FRAS1: variants seen among roughly 807,000 people sequenced by gnomAD.
FRAS1 encodes extracellular matrix organizing protein FRAS1.
Under a neutral mutation model 435.2 loss-of-function variants are expected in FRAS1, and 290 were observed. The observed-to-expected ratio is 0.67, with a 90% CI of 0.61 to 0.73. The LOEUF (loss-of-function observed/expected upper bound fraction) is 0.73, where lower values mean the gene tolerates loss of function less well. Among genes scored for constraint, FRAS1 ranks in the 30% least tolerant of loss-of-function variants. The pLI is 0.00. For missense variants in FRAS1, 4,860 were observed against 5,001.5 expected, an observed-to-expected ratio of 0.97 and a Z score of 0.85; for synonymous variants, 1,800 against 1,851.0, an observed-to-expected ratio of 0.97 and a Z score of 0.71.
chr4:78,461,275 A>T (rs1719361878), intron 47 of FRAS1, among the ~76,000 whole-genome samples: 2 of 152,190 alleles, frequency 1.3e-5, no homozygotes, highest in African/African-American at 4.8e-5. Context: ...TTACTTTCAT[A>T]TTGAAAAAAC....
chr4:78,253,771 A>G (rs72864529), intron 5 of FRAS1, among the ~76,000 whole-genome samples: 1,584 of 152,236 alleles, frequency 0.01, 17 homozygotes, highest in African/African-American at 0.036. Flanking sequence ...TTCTGCATTC[A>G]CAGCTCCTGA....
intron 2 of FRAS1, among the ~76,000 whole-genome samples, chr4:78,144,532 C>T (rs1020544910): frequency 1.3e-5 from 2 of 151,268 alleles, no homozygotes; most frequent in African/African-American, 4.9e-5. Context: ...TTTGTAGCTC[C>T]TGTATTTGTT....
rs774230984 is a variant in FRAS1 at position 78,513,488 on chromosome 4, C to T, written c.10110C>T (p.Ser3370=). 5 of 1,613,252 alleles carry T rather than the reference C, an allele frequency of 3.1e-6. No individual in the cohort carries two copies. The highest frequency in any genetic ancestry group is 2.5e-6 in the Non-Finnish European group (3 of 1,179,368). The part of the protein sequence containing the change: ...LHNLHFLLSE[S]IYRHQHVCSN... ...ACTTACATTTTCTACTGTCTGAGTC[C>T]ATCTACAGACACCAGCACGTCTGCT... Residue 3370 remains serine, a synonymous_variant, in exon 65 of 74, where the codon TCC becomes TCT. Transcript: ENST00000512123.
chr4:78,385,539 C>T (rs1732185695), intron 28 of FRAS1, among the ~76,000 whole-genome samples: 1 of 152,034 alleles, frequency 6.6e-6, no homozygotes, highest in Admixed American at 6.5e-5. Flanking sequence ...GAAAATGATC[C>T]TAAGTTAATT....
At chr4:78,117,060 T>C (rs999244274) in intron 2 of FRAS1, among the ~76,000 whole-genome samples, 2 of 152,210 alleles carry the variant, frequency 1.3e-5, no homozygotes, top group Admixed American at 1.3e-4. Context: ...TGTTTGTCTC[T>C]AAAGGATTTT....
In FRAS1 at chr4:78,387,700, A is replaced by G. The variant is rs553201692; in HGVS notation, c.3974A>G (p.Gln1325Arg). The change falls in exon 29 of 74, where the codon CAG becomes CGG. Residue 1325 changes from glutamine to arginine, a missense_variant and splice_region_variant. Gln to Arg is a conservative substitution (Grantham distance 43, BLOSUM62 1). Transcript: ENST00000512123. The stretch of plus-strand genomic sequence containing the variant: ...CTGTTCCAAGTGAAGACCGTGCCTC[A>G]GGTAGGTGTCATTCCTAGAGTTACA... ...NILFQVKTVP[Q>R]NDRGLQLVAN... 104 of 1,513,312 alleles carry G rather than the reference A, an allele frequency of 6.9e-5. No homozygotes were observed. The highest frequency in any genetic ancestry group is 9.0e-5 in the Non-Finnish European group (102 of 1,127,260). 93.7% of individuals were successfully genotyped at this position (1,513,312 alleles called of 1,614,324 possible).
Position 78,180,902 on chromosome 4 carries a change from A to G in FRAS1, c.109-56608A>G, listed in dbSNP as rs1354861912. The G allele has an allele frequency of 3.3e-5, 53 of 1,604,506 alleles. No individual in the cohort carries two copies. In the Admixed American group the frequency reaches 6.5e-4, roughly 20 times the overall value. ...CTGGGAATGCCTCTGGGTCATCCAC[A>G]TCAGGAGCAGAAGTACTTGACTTGT... On this transcript the variant is annotated intron_variant, in intron 2 of 73. Coordinates refer to ENST00000512123, the MANE Select transcript of FRAS1 (RefSeq NM_025074.7).
At chr4:78,369,776 G>T in intron 22 of FRAS1, 62 bp from the exon 23 acceptor site, 1 of 1,489,918 alleles carries the variant, frequency 6.7e-7, no homozygotes, top group South Asian at 1.4e-5. Context: ...GTCTAGGTTT[G>T]ATCAGTGCTT....
chr4:78,065,897 G>T, intron 1 of FRAS1, 88 bp from the exon 2 acceptor site: 1 of 932,862 alleles, frequency 1.1e-6, no homozygotes, highest in Admixed American at 2.1e-5. Flanking sequence ...GATGCATATA[G>T]ATGCAGTTTT....
chr4:78,099,375 AC>A (rs1741991442), intron 2 of FRAS1, among the ~76,000 whole-genome samples: 1 of 152,298 alleles, frequency 6.6e-6, no homozygotes, highest in South Asian at 2.1e-4. Flanking sequence ...TTAGGGAGTG[AC>A]AGCAGGCTCT....
rs1412616364 is a variant in FRAS1, at chr4:78,308,185, T to C, written c.1654T>C (p.Tyr552His). The C allele has an allele frequency of 1.9e-6, 3 of 1,613,852 alleles. No homozygotes were observed. Among genetic ancestry groups the C allele is most frequent in the Admixed American group, 3.3e-5 (2 of 59,998 alleles). The change falls in exon 15 of 74, where the codon TAC becomes CAC. Residue 552 changes from tyrosine to histidine, a missense_variant. Physicochemically the swap from Tyr to His is moderately conservative, Grantham distance 83 (BLOSUM62 2). Transcript: ENST00000512123. Reference protein sequence around the residue: ...GCESSCGKGFYNRQGTCSACD... With the variant: ...GCESSCGKGFHNRQGTCSACD... Reference sequence around the variant, plus strand: ...TGAGAGCAGCTGTGGAAAAGGCTTCTACAACAGGCAGGGCACCTGTAGCGG... The same window carrying C: ...TGAGAGCAGCTGTGGAAAAGGCTTCCACAACAGGCAGGGCACCTGTAGCGG...
At position 78,508,614 on chromosome 4, in the gene FRAS1, A is replaced by G; in HGVS notation, c.9505-117A>G. ...AAGAATTATAAAAACTTCTCCTGTT[A>G]TATTTCAAAGAACCTGTAGACACTA... On this transcript the variant is annotated intron_variant, in intron 62 of 73. Coordinates refer to ENST00000512123, the MANE Select transcript of FRAS1 (RefSeq NM_025074.7). 4.9e-6 allele frequency: 5 copies of G among 1,027,376 alleles called. 1 individual carries two copies. The South Asian group carries it at 7.9e-5, about 16-fold the overall frequency. The allele number at this position is 1,027,376 out of a possible 1,614,324, so 63.6% of individuals were successfully genotyped here.
chr4:78,058,009 G>A lies in FRAS1; in HGVS notation c.-1G>A, dbSNP rs768691268. ...CCTCCATCGTGGGTGCCGAGGCGGC[G>A]ATGGGTGTCCTCAAAGTGTGGCTCG... On this transcript the variant is annotated 5_prime_UTR_variant, in exon 1 of 74. Transcript: ENST00000512123. The A allele has an allele frequency of 1.2e-6, 2 of 1,613,826 alleles. No individual in the cohort carries two copies. Among genetic ancestry groups the A allele is most frequent in the South Asian group, 1.1e-5 (1 of 91,084 alleles).
intron 2 of FRAS1, among the ~76,000 whole-genome samples, chr4:78,118,299 T>C (rs1477502059): frequency 6.6e-6 from 1 of 152,172 alleles, no homozygotes. Context: ...GAGGAGGCAG[T>C]CTGTCCATTC....
At chr4:78,263,366 T>C (rs1278073604) in intron 6 of FRAS1, among the ~76,000 whole-genome samples, 1 of 152,230 alleles carries the variant, frequency 6.6e-6, no homozygotes, top group Non-Finnish European at 1.5e-5. Flanking sequence ...AATTAGATGT[T>C]GCCAATAAGA....
At chr4:78,223,053 C>T (rs1183545025) in intron 2 of FRAS1, among the ~76,000 whole-genome samples, 1 of 152,158 alleles carries the variant, frequency 6.6e-6, no homozygotes, top group Non-Finnish European at 1.5e-5. Flanking sequence ...AACAGTGAGG[C>T]TGGAAGCAAA....
intron 14 of FRAS1, 34 bp downstream of exon 14, chr4:78,286,573 A>T (rs779416400): frequency 6.2e-7 from 1 of 1,603,842 alleles, no homozygotes; most frequent in Non-Finnish European, 8.5e-7. Context: ...TGGGCCAGCT[A>T]CCAAGACAGC....
At chr4:78,175,099 G>T (rs1721707644) in intron 2 of FRAS1, among the ~76,000 whole-genome samples, 2 of 152,202 alleles carry the variant, frequency 1.3e-5, no homozygotes, top group Non-Finnish European at 2.9e-5. Flanking sequence ...CAGGCTGGCT[G>T]CTCTCCACCG....
intron 2 of FRAS1, among the ~76,000 whole-genome samples, chr4:78,083,481 GAA>G (rs1260054828): frequency 6.6e-6 from 1 of 152,106 alleles, no homozygotes; most frequent in African/African-American, 2.4e-5. Context: ...AGAACAGAAA[GAA>G]AGAGCAGAAT....
Sources: gnomAD v4.1 joint callset for allele counts (sites outside exome capture counted in the v4.1 genomes callset) on GRCh38, gnomAD v4.1.1 for gene constraint, MANE v1.5 for transcripts, NCBI Gene and HGNC (gene_info 2026-07-23, HGNC 2026-07-21) for gene names.